The following ZNF729 variants were observed in gnomAD, a reference collection of about 807,000 sequenced individuals.
The protein encoded by ZNF729 is zinc finger protein 729.
Under a neutral mutation model 12.2 loss-of-function variants are expected in ZNF729, and 15 were observed. The observed-to-expected ratio is 1.23, with a 90% CI of 0.82 to 1.89. The LOEUF is 1.89. ZNF729 is among the 40% of genes most tolerant of loss of function. ZNF729 has a pLI of 0.00. For missense variants in ZNF729, 1,540 were observed against 1,456.7 expected (o/e 1.06, Z -0.93); for synonymous variants, 492 against 476.3 (o/e 1.03, Z -0.43).
At chr19:22,289,871 C>T (rs1048245161) in intron 1 of ZNF729, among the ~76,000 whole-genome samples, 2 of 151,532 alleles carry the variant, frequency 1.3e-5, no homozygotes, top group Non-Finnish European at 2.9e-5. Flanking sequence ...TAGAAGTGTT[C>T]CCATATGACT....
rs537202013 is a variant in ZNF729 at position 22,303,798 on chromosome 19, T to A, written c.71T>A (p.Leu24Gln). ...AGAGATGTGACCATAGAATTCTCTCTGGAGGAGTGGCAATGCCTGGACACG... is the reference window on the plus strand; with the variant it reads ...AGAGATGTGACCATAGAATTCTCTCAGGAGGAGTGGCAATGCCTGGACACG... ...TFRDVTIEFS[L>Q]EEWQCLDTVQ... Residue 24 changes from leucine to glutamine, a missense_variant, in exon 2 of 4, where the codon CTG (leucine) becomes CAG (glutamine). By Grantham distance (113) the Leu-to-Gln change is moderately radical. Transcript: ENST00000601693. 21 of 1,575,456 alleles carry A rather than the reference T, an allele frequency of 1.3e-5. 1 individual carries two copies. The South Asian group carries it at 2.3e-4, about 17-fold the overall frequency.
chr19:22,292,781 T>C lies in ZNF729; in HGVS notation c.30+6226T>C, dbSNP rs567089487. 2.0e-5 allele frequency among the ~76,000 whole-genome samples: 3 copies of C among 152,306 alleles called. No individual in the cohort carries two copies. In the South Asian group the frequency reaches 6.2e-4, roughly 32 times the overall value. Reference sequence around the variant, plus strand: ...TATTTAGTTTACCATTGATAGGCATTTAGGTTGATTCCATGTCTTTGCTAT... The same window carrying C: ...TATTTAGTTTACCATTGATAGGCATCTAGGTTGATTCCATGTCTTTGCTAT... On this transcript the variant is annotated intron_variant, in intron 1 of 3. Coordinates refer to ENST00000601693, the MANE Select transcript of ZNF729 (RefSeq NM_001242680.2).
intron 3 of ZNF729, among the ~76,000 whole-genome samples, chr19:22,305,795 C>T (rs1215625374): frequency 1.3e-5 from 2 of 152,008 alleles, no homozygotes; most frequent in African/African-American, 2.4e-5. Flanking sequence ...CTTTCTTTTT[C>T]TTTTAATTAA....
chr19:22,314,134 GA>G lies in ZNF729; in HGVS notation c.720del (p.Lys240AsnfsTer73). On this transcript the variant is annotated frameshift_variant, in exon 4 of 4. Coordinates refer to ENST00000601693, the MANE Select transcript of ZNF729 (RefSeq NM_001242680.2). LOFTEE classifies it low-confidence loss of function (END_TRUNC). ...HTEDKPYKYK[K>X]CGNAFKFSST... ...CTGAAGACAAACCTTACAAATATAA[GA>G]AATGTGGCAATGCCTTTAAATTTTC... 1 of 1,554,322 alleles carries G rather than the reference GA, an allele frequency of 6.4e-7. No homozygotes were observed. The highest frequency in any genetic ancestry group is 8.7e-7 in the Non-Finnish European group (1 of 1,150,730).
In ZNF729 at chr19:22,313,992, T is replaced by C; in HGVS notation, c.575T>C (p.Leu192Pro). ...CIKCSKSFFM[L>P]SCLIRHKRIH... is the part of the protein sequence containing the mutation. ...AAATGTAGCAAATCATTTTTCATGC[T>C]TTCATGCTTAATTCGACATAAGAGA... Residue 192 changes from leucine to proline, a missense_variant, in exon 4 of 4, where the codon CTT (leucine) becomes CCT (proline). Coordinates refer to ENST00000601693, the MANE Select transcript of ZNF729 (RefSeq NM_001242680.2). 6.5e-7 allele frequency: 1 copy of C among 1,541,394 alleles called. No homozygotes were observed.
At chr19:22,308,218 G>T (rs534386525) in intron 3 of ZNF729, among the ~76,000 whole-genome samples, 5 of 152,144 alleles carry the variant, frequency 3.3e-5, no homozygotes, top group Non-Finnish European at 7.3e-5. Flanking sequence ...TGGCTGAGTA[G>T]TGTTCCATCA....
chr19:22,308,115 G>A (rs1968408165), intron 3 of ZNF729, among the ~76,000 whole-genome samples: 1 of 152,086 alleles, frequency 6.6e-6, no homozygotes, highest in Non-Finnish European at 1.5e-5. Flanking sequence ...AACATAAGAT[G>A]TTTGGTTTTC....
In ZNF729 at chr19:22,315,642, G is replaced by T. The variant is rs752753628; in HGVS notation, c.2225G>T (p.Cys742Phe). 10 of 1,608,822 alleles carry T rather than the reference G, an allele frequency of 6.2e-6. No homozygotes were observed. The highest frequency in any genetic ancestry group is 8.5e-6 in the Non-Finnish European group (10 of 1,179,326). Residue 742 changes from cysteine to phenylalanine, a missense_variant, in exon 4 of 4, where the codon TGT becomes TTT. Transcript: ENST00000601693. ...VIHTAEKPCK[C>F]EECGKSFKHF... ...CATACTGCAGAGAAACCCTGCAAAT[G>T]TGAAGAATGTGGCAAATCTTTTAAG...
At chr19:22,305,212 CCT>C (rs1968363819) in intron 3 of ZNF729, among the ~76,000 whole-genome samples, 1 of 152,118 alleles carries the variant, frequency 6.6e-6, no homozygotes, top group Non-Finnish European at 1.5e-5. Context: ...TCATAAGCTT[CCT>C]GACCTGAGAC....
At chr19:22,303,187 T>C (rs2145050058) in intron 1 of ZNF729, among the ~76,000 whole-genome samples, 1 of 152,326 alleles carries the variant, frequency 6.6e-6, no homozygotes, top group East Asian at 1.9e-4. Flanking sequence ...ATGAAGTCTC[T>C]CATCTTTGTT....
chr19:22,312,703 A>C (rs1968466381), intron 3 of ZNF729, among the ~76,000 whole-genome samples: 2 of 151,984 alleles, frequency 1.3e-5, no homozygotes, highest in African/African-American at 2.4e-5. Flanking sequence ...TATATGTGCT[A>C]CTGGTTTTTT....
intron 1 of ZNF729, among the ~76,000 whole-genome samples, chr19:22,297,268 T>C (rs1002840506): frequency 2.7e-5 from 4 of 149,226 alleles, no homozygotes. Context: ...ACATTTTTTA[T>C]AACACCTTTT....
chr19:22,289,350 T>A (rs1968123319), intron 1 of ZNF729, among the ~76,000 whole-genome samples: 1 of 151,452 alleles, frequency 6.6e-6, no homozygotes, highest in Non-Finnish European at 1.5e-5. Context: ...CTCAGCCTCC[T>A]GACTAGCTGG....
intron 1 of ZNF729, 42 bp downstream of exon 1, chr19:22,286,597 T>G: frequency 6.2e-7 from 1 of 1,612,662 alleles, no homozygotes; most frequent in Non-Finnish European, 8.5e-7. Context: ...GGGAAGGGGC[T>G]GATTGGAACC....
chr19:22,303,668 T>G, intron 1 of ZNF729, 90 bp from the exon 2 acceptor site: 4 of 1,283,860 alleles, frequency 3.1e-6, no homozygotes, highest in Non-Finnish European at 4.2e-6. Flanking sequence ...TCTGTTCTCT[T>G]TATTCTCTCA....
rs1242616897 is a variant in ZNF729 at position 22,304,696 on chromosome 19, G to A, written c.166G>A (p.Val56Ile). ...YRNLVFLGMA[V>I]FKPDLITCLK... ...TATTTTTAATAAAACAGGTATGGCT[G>A]TCTTTAAGCCAGACTTGATAACTTG... The change falls in exon 3 of 4, where the codon GTC (valine) becomes ATC (isoleucine). Residue 56 changes from valine (V) to isoleucine (I), a missense_variant. Physicochemically the swap from Val to Ile is conservative, Grantham distance 29. Transcript: ENST00000601693. 1 of 1,612,056 alleles carries A rather than the reference G, an allele frequency of 6.2e-7. No homozygotes were observed. The highest frequency in any genetic ancestry group is 1.7e-5 in the Admixed American group (1 of 59,824).
intron 1 of ZNF729, among the ~76,000 whole-genome samples, chr19:22,302,721 A>C (rs558033295): frequency 6.6e-6 from 1 of 152,428 alleles, no homozygotes; most frequent in South Asian, 2.1e-4. Context: ...TTCTGTTTAG[A>C]TCCACTGTTT....
At chr19:22,303,529 A>G (rs1368658083) in intron 1 of ZNF729, among the ~76,000 whole-genome samples, 1 of 152,190 alleles carries the variant, frequency 6.6e-6, no homozygotes, top group Non-Finnish European at 1.5e-5. Context: ...CCAGAAAGGT[A>G]TCTTATCTAC....
At chr19:22,300,908 C>G (rs1222888996) in intron 1 of ZNF729, among the ~76,000 whole-genome samples, 1 of 152,296 alleles carries the variant, frequency 6.6e-6, no homozygotes, top group East Asian at 1.9e-4. Flanking sequence ...AAAACTGCAA[C>G]TTCAAATTCT....
Sources: allele counts gnomAD v4.1 joint callset (sites outside exome capture counted in the v4.1 genomes callset), GRCh38; gene constraint gnomAD v4.1.1; transcripts MANE v1.5; gene names NCBI Gene and HGNC (gene_info 2026-07-23, HGNC 2026-07-21).